Variants in ADGRL2 observed in about 807,000 individuals in gnomAD.
The protein encoded by ADGRL2 is calcium-independent alpha-latrotoxin receptor 2.
In ADGRL2, 44 loss-of-function variants were observed where a neutral mutation model predicts 157.4. That is an observed-to-expected ratio of 0.28 (90% confidence interval 0.22 to 0.36). The LOEUF (loss-of-function observed/expected upper bound fraction) is 0.36. ADGRL2 is among the 10% of genes least tolerant of loss of function. ADGRL2 has a pLI of 1.00. For missense variants in ADGRL2, 1,510 were observed against 1,768.9 expected (o/e 0.85, Z 2.63); for synonymous variants, 585 against 624.7 (o/e 0.94, Z 0.95).
intron 1 of ADGRL2, among the ~76,000 whole-genome samples, chr1:81,378,554 G>A (rs2076290784): frequency 1.7e-5 from 2 of 117,048 alleles, no homozygotes; most frequent in Non-Finnish European, 3.3e-5. Context: ...ACCAGAATGA[G>A]ACCTTGTATC....
intron 3 of ADGRL2, among the ~76,000 whole-genome samples, chr1:81,582,536 G>A (rs1374485300): frequency 6.6e-6 from 1 of 151,944 alleles, no homozygotes; most frequent in Non-Finnish European, 1.5e-5. Context: ...GTATAAAGGT[G>A]AGAGGTGAGA....
intron 1 of ADGRL2, among the ~76,000 whole-genome samples, chr1:81,432,769 A>G (rs1384779818): frequency 6.6e-6 from 1 of 152,078 alleles, no homozygotes; most frequent in Non-Finnish European, 1.5e-5. Flanking sequence ...GGATTGTATA[A>G]TCATCTGACA....
chr1:81,332,039 C>T (rs1661303471), intron 1 of ADGRL2, among the ~76,000 whole-genome samples: 1 of 152,006 alleles, frequency 6.6e-6, no homozygotes, highest in Admixed American at 6.6e-5. Flanking sequence ...TTCCATGGGC[C>T]CAAGTTGTAT....
At chr1:81,528,646 C>CAAAAAAAAAAAAAAAA (rs59842382) in intron 2 of ADGRL2, among the ~76,000 whole-genome samples, 6 of 114,668 alleles carry the variant, frequency 5.2e-5, no homozygotes, top group East Asian at 2.3e-4. Flanking sequence ...GACTCCATCT[C>CAAAAAAAAAAAAAAAA]AAAAAAAAAA....
chr1:81,553,164 A>G (rs1216623791), intron 2 of ADGRL2, among the ~76,000 whole-genome samples: 1 of 152,180 alleles, frequency 6.6e-6, no homozygotes, highest in African/African-American at 2.4e-5. Context: ...ACACATAAAA[A>G]TTTTCAGTAT....
chr1:81,457,491 G>A lies in ADGRL2; in HGVS notation c.-248+12402G>A, dbSNP rs192255727. On this transcript the variant is annotated intron_variant, in intron 2 of 24. Coordinates refer to the ADGRL2 transcript ENST00000370721. Reference sequence around the variant, plus strand: ...TGTTATCTATTCTTTACCATTCTCAGAGAATTAAGTTTTTGCTTATTAAAG... The same window carrying A: ...TGTTATCTATTCTTTACCATTCTCAAAGAATTAAGTTTTTGCTTATTAAAG... Among the ~76,000 whole-genome samples, 3 of 152,014 alleles carry A rather than the reference G, an allele frequency of 2.0e-5. No homozygotes were observed. In the East Asian group the frequency reaches 5.8e-4, roughly 29 times the overall value.
chr1:81,837,026 C>A lies in ADGRL2; in HGVS notation c.42C>A (p.Ile14=). The A allele has an allele frequency of 6.3e-7, 1 of 1,593,066 alleles. No individual in the cohort carries two copies. The highest frequency in any genetic ancestry group is 8.5e-7 in the Non-Finnish European group (1 of 1,171,104). The change falls in exon 2 of 24, where the codon ATC becomes ATA. Residue 14 remains isoleucine, a synonymous_variant. Coordinates refer to ENST00000686636, the MANE Select transcript of ADGRL2 (RefSeq NM_001366006.2). ...GCAGAATGCGAAGTCTGTGGTTTAT[C>A]ATTGTAATCAGCTTCTTACCAAATA... is the stretch of plus-strand genomic sequence containing the variant. ...SGCRMRSLWF[I]IVISFLPNTE...
Position 81,991,120 on chromosome 1 carries a change from A to C in ADGRL2, c.4385A>C (p.Gln1462Pro). Residue 1462 changes from glutamine to proline, a missense_variant, in exon 24 of 24, where the codon CAA (glutamine) becomes CCA (proline). This residue lies in a region of ADGRL2 where 327 missense variants were observed against 310.1 expected (regional missense o/e 1.05). Transcript: ENST00000686636. ...CIPEGDVREG[Q>P]MQLVTSL is the part of the protein sequence containing the mutation. ...CCAGAAGGAGATGTTAGAGAAGGAC[A>C]AATGCAGCTGGTTACAAGTCTTTAA... The C allele has an allele frequency of 1.9e-6, 3 of 1,607,756 alleles. No homozygotes were observed. In the African/African-American group the frequency reaches 4.0e-5, roughly 21 times the overall value.
intron 3 of ADGRL2, among the ~76,000 whole-genome samples, chr1:81,936,402 A>T (rs919937946): frequency 6.6e-6 from 1 of 151,858 alleles, no homozygotes; most frequent in South Asian, 2.1e-4. Flanking sequence ...TATCCTAGTA[A>T]GATATTTGTT....
chr1:81,903,521 T>A (rs975981194), intron 2 of ADGRL2, among the ~76,000 whole-genome samples: 3 of 151,926 alleles, frequency 2.0e-5, no homozygotes, highest in Admixed American at 6.6e-5. Flanking sequence ...TACTATTTGA[T>A]GCCTTAGTTT....
At chr1:81,352,244 G>C (rs1046202389) in intron 1 of ADGRL2, among the ~76,000 whole-genome samples, 2 of 152,178 alleles carry the variant, frequency 1.3e-5, no homozygotes, top group Admixed American at 1.3e-4. Flanking sequence ...CCAAATACCT[G>C]ATGGACAAAG....
chr1:81,383,689 GCA>G (rs1425340135), intron 1 of ADGRL2, among the ~76,000 whole-genome samples: 10 of 149,906 alleles, frequency 6.7e-5, no homozygotes, highest in South Asian at 2.1e-4. Flanking sequence ...AAGGCCGGGT[GCA>G]CGGTGGCTCA....
intron 2 of ADGRL2, among the ~76,000 whole-genome samples, chr1:81,484,371 C>A (rs2078454699): frequency 6.6e-6 from 1 of 152,104 alleles, no homozygotes; most frequent in Non-Finnish European, 1.5e-5. Context: ...TCTGAATGAA[C>A]CTCAACACAG....
intron 1 of ADGRL2, among the ~76,000 whole-genome samples, chr1:81,360,504 T>C (rs1336631817): frequency 6.6e-6 from 1 of 152,002 alleles, no homozygotes; most frequent in Non-Finnish European, 1.5e-5. Flanking sequence ...GGAACTCACA[T>C]TATGAATATC....
chr1:81,376,994 A>C (rs894848053), intron 1 of ADGRL2, among the ~76,000 whole-genome samples: 1 of 152,152 alleles, frequency 6.6e-6, no homozygotes, highest in East Asian at 1.9e-4. Flanking sequence ...TTGAGCCCAG[A>C]CTGAGCCAAA....
chr1:81,482,467 T>C (rs979863375), intron 2 of ADGRL2, among the ~76,000 whole-genome samples: 2 of 16,680 alleles, frequency 1.2e-4, no homozygotes, highest in Non-Finnish European at 2.0e-4. Context: ...ATAAGGCGAA[T>C]AGCTATTGAT....
intron 2 of ADGRL2, among the ~76,000 whole-genome samples, chr1:81,550,561 T>A (rs1203292628): frequency 1.3e-5 from 2 of 152,086 alleles, no homozygotes; most frequent in Non-Finnish European, 2.9e-5. Context: ...ATAAAGACAA[T>A]TTCTCATCAC....
intron 2 of ADGRL2, among the ~76,000 whole-genome samples, chr1:81,578,370 T>C (rs1036071563): frequency 6.6e-6 from 1 of 152,206 alleles, no homozygotes; most frequent in African/African-American, 2.4e-5. Flanking sequence ...ATCTAGCTCA[T>C]CGCTGTCATC....
chr1:81,766,733 G>A (rs2086136560), intron 2 of ADGRL2, among the ~76,000 whole-genome samples: 1 of 150,502 alleles, frequency 6.6e-6, no homozygotes, highest in African/African-American at 2.4e-5. Flanking sequence ...AGGAGGCTGA[G>A]GCACGAGAAT....
Sources: gnomAD v4.1 joint callset for allele counts (sites outside exome capture counted in the v4.1 genomes callset) on GRCh38, gnomAD v4.1.1 for gene constraint, gnomAD v4.1.1 regional missense constraint, MANE v1.5 for transcripts, NCBI Gene and HGNC (gene_info 2026-07-23, HGNC 2026-07-21) for gene names.